Variants in SHQ1 observed in about 807,000 individuals in gnomAD.
The protein encoded by SHQ1 is protein SHQ1 homolog.
SHQ1 carries 49 observed loss-of-function variants against 53.8 expected under a neutral mutation model. That is an observed-to-expected ratio of 0.91 (90% CI 0.72 to 1.16). The LOEUF is 1.16. Among genes scored for constraint, SHQ1 ranks in the 50% most tolerant of loss-of-function variants. SHQ1 has a pLI of 0.00. For synonymous variants in SHQ1, 243 were observed against 251.0 expected, an observed-to-expected ratio of 0.97 and a Z score of 0.30; for missense variants, 738 against 683.1, an observed-to-expected ratio of 1.08 and a Z score of -0.90.
At chr3:72,773,822 C>A (rs1238598610) in intron 10 of SHQ1, among the ~76,000 whole-genome samples, 2 of 152,144 alleles carry the variant, frequency 1.3e-5, no homozygotes, top group Non-Finnish European at 1.5e-5. Context: ...AACGACAAGA[C>A]CAAAAACCCA....
At chr3:72,829,644 A>G (rs765203951) in intron 5 of SHQ1, among the ~76,000 whole-genome samples, 6 of 152,230 alleles carry the variant, frequency 3.9e-5, no homozygotes, top group Non-Finnish European at 8.8e-5. Context: ...TTGTCTTAAT[A>G]TCTACTCAAT....
chr3:72,804,728 C>CGTGA (rs1706887749), intron 9 of SHQ1, among the ~76,000 whole-genome samples: 3 of 152,148 alleles, frequency 2.0e-5, no homozygotes, highest in Admixed American at 2.0e-4. Context: ...TGGTGGCTCA[C>CGTGA]ACCTGTCAAC....
At chr3:72,752,407 ATTGTT>A (rs1217090201) in intron 10 of SHQ1, among the ~76,000 whole-genome samples, 3 of 152,270 alleles carry the variant, frequency 2.0e-5, no homozygotes, top group Admixed American at 6.5e-5. Flanking sequence ...TTCACTGCCT[ATTGTT>A]TTATTTTTTA....
chr3:72,837,997 A>G (rs1361278236), intron 4 of SHQ1, among the ~76,000 whole-genome samples: 4 of 152,256 alleles, frequency 2.6e-5, no homozygotes, highest in Non-Finnish European at 5.9e-5. Context: ...TGCTCAGCAC[A>G]GTGCTATCCA....
the SHQ1 span, among the ~76,000 whole-genome samples, chr3:72,740,936 G>A: frequency 2.6e-5 from 4 of 152,178 alleles, no homozygotes; most frequent in South Asian, 2.1e-4. Context: ...TTATCCTAAC[G>A]CATCTCTTAC....
At chr3:72,835,692 G>A (rs571514925) in intron 4 of SHQ1, among the ~76,000 whole-genome samples, 12 of 152,106 alleles carry the variant, frequency 7.9e-5, no homozygotes, top group Non-Finnish European at 1.2e-4. Flanking sequence ...CATGTTCACC[G>A]TCCTCTTCTG....
chr3:72,806,648 C>A (rs987417271), intron 9 of SHQ1, among the ~76,000 whole-genome samples: 6 of 152,178 alleles, frequency 3.9e-5, no homozygotes, highest in Non-Finnish European at 7.3e-5. Context: ...GATAGCATAT[C>A]GATTTTCCAT....
At chr3:72,848,064 A>C in intron 1 of SHQ1, 134 bp downstream of exon 1, 2 of 1,095,538 alleles carry the variant, frequency 1.8e-6, no homozygotes, top group Non-Finnish European at 2.7e-6. Flanking sequence ...GTTCCCTGGC[A>C]CCAAGAGAAG....
intron 5 of SHQ1, among the ~76,000 whole-genome samples, chr3:72,828,184 T>C (rs74331989): frequency 0.046 from 7,059 of 152,224 alleles, 464 homozygotes; most frequent in African/African-American, 0.15. Context: ...AGGAGAACCA[T>C]GTACACAAAT....
chr3:72,840,265 A>AAAAAAAAAAAAAAAAAAG (rs1708134916), intron 4 of SHQ1, among the ~76,000 whole-genome samples: 2 of 143,468 alleles, frequency 1.4e-5, no homozygotes, highest in African/African-American at 5.4e-5. Context: ...AAAAAAAAAA[A>AAAAAAAAAAAAAAAAAAG]GAATAAATAA....
At chr3:72,843,436 A>C (rs1708238373) in intron 2 of SHQ1, among the ~76,000 whole-genome samples, 1 of 152,122 alleles carries the variant, frequency 6.6e-6, no homozygotes, top group South Asian at 2.1e-4. Flanking sequence ...TCCTTGACTG[A>C]GTTTATCTAT....
intron 7 of SHQ1, among the ~76,000 whole-genome samples, chr3:72,816,757 C>T (rs1263960710): frequency 6.6e-6 from 1 of 152,162 alleles, no homozygotes; most frequent in East Asian, 1.9e-4. Context: ...TCAGAGTACA[C>T]ATACTCTATG....
the SHQ1 span, among the ~76,000 whole-genome samples, chr3:72,729,882 A>T: frequency 6.6e-6 from 1 of 152,104 alleles, no homozygotes; most frequent in African/African-American, 2.4e-5. Flanking sequence ...CAGTGGCGCG[A>T]TCTCGTCTCA....
chr3:72,845,641 G>C (rs761131733), intron 1 of SHQ1, among the ~76,000 whole-genome samples: 24 of 152,114 alleles, frequency 1.6e-4, no homozygotes, highest in Non-Finnish European at 2.6e-4. Context: ...GCTGCCTCAT[G>C]TTGCCTAGAT....
intron 10 of SHQ1, among the ~76,000 whole-genome samples, chr3:72,762,160 C>A (rs929403278): frequency 3.3e-5 from 5 of 152,164 alleles, no homozygotes; most frequent in African/African-American, 1.2e-4. Context: ...CACACACATC[C>A]ATTTTTTGAG....
At chr3:72,768,495 T>C (rs1011950775) in intron 10 of SHQ1, among the ~76,000 whole-genome samples, 1 of 152,170 alleles carries the variant, frequency 6.6e-6, no homozygotes, top group African/African-American at 2.4e-5. Flanking sequence ...TTTTACAGGT[T>C]TTTACTAAAA....
chr3:72,811,909 G>C (rs1224033626), intron 9 of SHQ1, among the ~76,000 whole-genome samples: 1 of 152,142 alleles, frequency 6.6e-6, no homozygotes, highest in East Asian at 1.9e-4. Flanking sequence ...GAGAATATAA[G>C]AAATGACCAT....
chr3:72,774,989 C>T (rs1283546164), intron 10 of SHQ1, among the ~76,000 whole-genome samples: 1 of 152,054 alleles, frequency 6.6e-6, no homozygotes, highest in Non-Finnish European at 1.5e-5. Context: ...GTGGTGGGCA[C>T]CTGTAATCCC....
chr3:72,750,414 G>A lies in SHQ1; in HGVS notation c.1604C>T (p.Ser535Phe). 6.2e-7 allele frequency: 1 copy of A among 1,614,168 alleles called. No homozygotes were observed. Among genetic ancestry groups the A allele is most frequent in the Non-Finnish European group, 8.5e-7 (1 of 1,180,030 alleles). Residue 535 changes from serine to phenylalanine, a missense_variant, in exon 11 of 11, where the codon TCT (serine) becomes TTT (phenylalanine). Transcript: ENST00000325599. ...CCCAAGCTCCTCTATCAGAGGCCCA[G>A]ACACTCCAAGAGGCCAGGAAGAGGC... ...PLASSWPLGV[S>F]GPLIEELGEQ...
Sources: gnomAD v4.1 joint callset for allele counts (sites outside exome capture counted in the v4.1 genomes callset) on GRCh38, gnomAD v4.1.1 for gene constraint, MANE v1.5 for transcripts, NCBI Gene and HGNC (gene_info 2026-07-23, HGNC 2026-07-21) for gene names.